Variants in PPFIBP2 observed in about 807,000 individuals in gnomAD.
PPFIBP2 encodes liprin-beta-2.
PPFIBP2 carries 118 observed loss-of-function variants against 118.3 expected under a neutral mutation model. The ratio of observed to expected loss-of-function variants is 1.00; its 90% CI spans 0.86 to 1.16. The LOEUF is 1.16. PPFIBP2 is among the 50% of genes most tolerant of loss of function. The pLI is 0.00. For missense variants in PPFIBP2, 1,195 were observed against 1,073.1 expected, an observed-to-expected ratio of 1.11 and a Z score of -1.59; for synonymous variants, 414 against 397.4, an observed-to-expected ratio of 1.04 and a Z score of -0.50.
At chr11:7,651,314 AT>A (rs1853971968) in intron 22 of PPFIBP2, 1 of 340,114 alleles carries the variant, frequency 2.9e-6, no homozygotes, top group East Asian at 5.1e-5. Context: ...TAGGATCCCT[AT>A]CACTACTCAG....
chr11:7,571,209 A>G (rs1162500225), intron 3 of PPFIBP2, among the ~76,000 whole-genome samples: 1 of 152,196 alleles, frequency 6.6e-6, no homozygotes, highest in Admixed American at 6.5e-5. Context: ...CTTTTTAACT[A>G]GTTTCCCAAG....
intron 3 of PPFIBP2, chr11:7,577,417 A>G: frequency 2.7e-6 from 1 of 377,334 alleles, no homozygotes; most frequent in South Asian, 2.0e-5. Flanking sequence ...GTGTGTCTGA[A>G]ACTGTCTAGG....
chr11:7,583,033 C>G (rs898824393), intron 3 of PPFIBP2, among the ~76,000 whole-genome samples: 5 of 152,216 alleles, frequency 3.3e-5, no homozygotes, highest in Admixed American at 1.3e-4. Context: ...TGCCTTATAA[C>G]TTACCTTCCT....
Position 7,648,883 on chromosome 11 carries a change from T to G in PPFIBP2, c.1881T>G (p.Ser627=). The G allele has an allele frequency of 1.2e-6, 2 of 1,614,152 alleles. No individual in the cohort carries two copies. The highest frequency in any genetic ancestry group is 1.7e-6 in the Non-Finnish European group (2 of 1,180,010). ...TCAACACCAAACAGGAGGAGAAGTC[T>G]GCACTGCTAGACCACATTTGGGTGA... The part of the protein sequence containing the change: ...KAINTKQEEK[S]ALLDHIWVTR... Residue 627 remains serine (S), a synonymous_variant, in exon 19 of 24, where the codon TCT becomes TCG. Transcript: ENST00000299492.
At chr11:7,609,703 G>T (rs1035681609) in intron 5 of PPFIBP2, among the ~76,000 whole-genome samples, 2 of 152,176 alleles carry the variant, frequency 1.3e-5, no homozygotes, top group Admixed American at 1.3e-4. Context: ...TTACATTCCA[G>T]AGTGGCCAGA....
intron 3 of PPFIBP2, chr11:7,577,315 A>ATGTGCGTGTGTG (rs1554958670): frequency 1.8e-4 from 39 of 216,960 alleles, no homozygotes; most frequent in African/African-American, 8.0e-4. Flanking sequence ...GCGTGCATGT[A>ATGTGCGTGTGTG]TGTGCGTGTG....
intron 1 of PPFIBP2, 128 bp downstream of exon 1, chr11:7,514,249 C>G (rs987228373): frequency 4.6e-5 from 7 of 152,310 alleles, no homozygotes; most frequent in African/African-American, 1.7e-4. Context: ...GTCAGTGTCT[C>G]TGTGAGCCCC....
Position 7,565,533 on chromosome 11 carries a change from T to C in PPFIBP2, c.65-20T>C, listed in dbSNP as rs774943110. Reference sequence around the variant, plus strand: ...GGTGTCCACCCTTCTTACTGAGTTTTCACCTCTCTCTCATTGCAGGCACTA... The same window carrying C: ...GGTGTCCACCCTTCTTACTGAGTTTCCACCTCTCTCTCATTGCAGGCACTA... On this transcript the variant is annotated intron_variant, in intron 2 of 23. Transcript: ENST00000299492. The C allele has an allele frequency of 6.2e-7, 1 of 1,613,732 alleles. No individual in the cohort carries two copies. The highest frequency in any genetic ancestry group is 8.5e-7 in the Non-Finnish European group (1 of 1,179,638).
rs1310155658 is a variant in PPFIBP2, at chr11:7,565,566, T to G, written c.78T>G (p.Gly26=). 6.2e-7 allele frequency: 1 copy of G among 1,614,084 alleles called. No individual in the cohort carries two copies. Among genetic ancestry groups the G allele is most frequent in the Non-Finnish European group, 8.5e-7 (1 of 1,180,020 alleles). Residue 26 remains glycine, a synonymous_variant, in exon 3 of 24, where the codon GGT becomes GGG. Transcript: ENST00000299492. ...CTCTCATTGCAGGCACTAAAACAGG[T>G]GCAGATCTTAGTGATGGTACTTGTG... ...MDGIIAGTKT[G]ADLSDGTCEP... is the part of the protein sequence containing the mutation.
Position 7,629,527 on chromosome 11 carries a change from C to T in PPFIBP2, c.957C>T (p.Val319=). ...QYRKVKEIVM[V]TQGPSERTLS... ...GGAAGGTAAAGGAGATTGTGATGGTCACTCAAGGTAAGAGCAAGGGCGATC... is the reference window on the plus strand; with the variant it reads ...GGAAGGTAAAGGAGATTGTGATGGTTACTCAAGGTAAGAGCAAGGGCGATC... Residue 319 remains valine, a synonymous_variant, in exon 10 of 24, where the codon GTC becomes GTT. Coordinates refer to ENST00000299492, the MANE Select transcript of PPFIBP2 (RefSeq NM_003621.5). 1 of 1,614,000 alleles carries T rather than the reference C, an allele frequency of 6.2e-7. No individual in the cohort carries two copies. The highest frequency in any genetic ancestry group is 1.1e-5 in the South Asian group (1 of 91,060).
At position 7,565,683 on chromosome 11, in the gene PPFIBP2, G is replaced by C. The variant is rs1163262682; in HGVS notation, c.195G>C (p.Glu65Asp). The C allele has an allele frequency of 6.2e-7, 1 of 1,614,198 alleles. No homozygotes were observed. Among genetic ancestry groups the C allele is most frequent in the African/African-American group, 1.3e-5 (1 of 75,062 alleles). Reference sequence around the variant, plus strand: ...TGAGGCTGGCCTTGGAGATGCTGGAGCTTCCTCAGGAGAGAGCAGCCCTCC... The same window carrying C: ...TGAGGCTGGCCTTGGAGATGCTGGACCTTCCTCAGGAGAGAGCAGCCCTCC... ...EDLRLALEMLELPQERAALLS... is the reference protein window; with the variant it reads ...EDLRLALEMLDLPQERAALLS... The change falls in exon 3 of 24, where the codon GAG (glutamate) becomes GAC (aspartate). Residue 65 changes from glutamate (E) to aspartate (D), a missense_variant. Coordinates refer to ENST00000299492, the MANE Select transcript of PPFIBP2 (RefSeq NM_003621.5).
chr11:7,642,865 C>A (rs1336197116), intron 17 of PPFIBP2, among the ~76,000 whole-genome samples: 1 of 152,198 alleles, frequency 6.6e-6, no homozygotes, highest in African/African-American at 2.4e-5. Flanking sequence ...TGTTTGCAGA[C>A]CTGCATCCCC....
At position 7,529,426 on chromosome 11, in the gene PPFIBP2, G is replaced by A. The variant is rs553575186; in HGVS notation, c.-37+15305G>A. The stretch of plus-strand genomic sequence containing the variant: ...TCAGTAATTCCTGGAGTGATTGCCT[G>A]TCTGGCTATCGGTGTCCCCAAAGAG... On this transcript the variant is annotated intron_variant, in intron 1 of 23. Transcript: ENST00000299492. 5.3e-5 allele frequency among the ~76,000 whole-genome samples: 8 copies of A among 152,290 alleles called. No individual in the cohort carries two copies. The South Asian group carries it at 1.7e-3, about 32-fold the overall frequency.
chr11:7,617,227 C>T (rs1463720465), intron 6 of PPFIBP2: 9 of 985,318 alleles, frequency 9.1e-6, no homozygotes, highest in East Asian at 2.3e-4. Context: ...GAGGAGGTGG[C>T]GGCCAGCGAC....
intron 17 of PPFIBP2, among the ~76,000 whole-genome samples, chr11:7,645,205 C>A (rs1332743641): frequency 1.3e-5 from 2 of 151,902 alleles, no homozygotes; most frequent in East Asian, 3.9e-4. Flanking sequence ...ACCTGGGGAT[C>A]CATGTAGTTT....
rs758037765 is a variant in PPFIBP2 at position 7,651,876 on chromosome 11, G to A, written c.2436+32G>A. ...TGCAGAGCCTTTCTGGGTGGGCCCT[G>A]GGCTGCCTCCTGGCCCTCACGCAGC... On this transcript the variant is annotated intron_variant, in intron 23 of 23. Coordinates refer to ENST00000299492, the MANE Select transcript of PPFIBP2 (RefSeq NM_003621.5). 2.5e-5 allele frequency: 39 copies of A among 1,581,648 alleles called. No individual in the cohort carries two copies. The South Asian group carries it at 2.7e-4, about 11-fold the overall frequency.
chr11:7,597,573 CA>C lies in PPFIBP2; in HGVS notation c.387del (p.Asp130ThrfsTer3), dbSNP rs1565028149. On this transcript the variant is annotated frameshift_variant, in exon 5 of 24. Coordinates refer to ENST00000299492, the MANE Select transcript of PPFIBP2 (RefSeq NM_003621.5). LOFTEE classifies it high-confidence loss of function. The stretch of plus-strand genomic sequence containing the variant: ...TTCCTGGAACAGGTGAGTGTCCTCA[CA>C]GACCAAGTAGAAGCCCAGGGAGAAA... Reference protein sequence around the residue: ...ESLILQVSVLTDQVEAQGEKI... With the variant: ...ESLILQVSVLXDQVEAQGEKI... The C allele has an allele frequency of 6.2e-7, 1 of 1,613,866 alleles. No individual in the cohort carries two copies. Among genetic ancestry groups the C allele is most frequent in the Admixed American group, 1.7e-5 (1 of 59,984 alleles).
chr11:7,629,533 A>T lies in PPFIBP2; in HGVS notation c.963A>T (p.Gln321His). The T allele has an allele frequency of 1.2e-6, 2 of 1,614,040 alleles. No individual in the cohort carries two copies. The highest frequency in any genetic ancestry group is 1.7e-6 in the Non-Finnish European group (2 of 1,179,910). Residue 321 changes from glutamine (Q) to histidine (H), a missense_variant and splice_region_variant, in exon 10 of 24, where the codon CAA becomes CAT. Transcript: ENST00000299492. ...TAAAGGAGATTGTGATGGTCACTCA[A>T]GGTAAGAGCAAGGGCGATCCTACCG... ...RKVKEIVMVT[Q>H]GPSERTLSIN...
At chr11:7,618,102 G>C (rs538347297) in intron 6 of PPFIBP2, among the ~76,000 whole-genome samples, 3 of 152,286 alleles carry the variant, frequency 2.0e-5, no homozygotes, top group Non-Finnish European at 4.4e-5. Context: ...AGTTACTATG[G>C]TCCATACTCA....
Sources: gnomAD v4.1 joint callset for allele counts (sites outside exome capture counted in the v4.1 genomes callset) on GRCh38, gnomAD v4.1.1 for gene constraint, MANE v1.5 for transcripts, NCBI Gene and HGNC (gene_info 2026-07-23, HGNC 2026-07-21) for gene names.